Variants in NIPAL1 observed in about 807,000 individuals in gnomAD.
NIPAL1 encodes the protein NIPA like domain containing 1.
NIPAL1 carries 35 observed loss-of-function variants against 37.7 expected under a neutral mutation model. The observed-to-expected ratio is 0.93, with a 90% CI of 0.71 to 1.23. The LOEUF is 1.23. NIPAL1 is among the 50% of genes most tolerant of loss of function. The probability of loss-of-function intolerance (pLI) is 0.00; values close to 1 mark genes in which losing one functional copy is unlikely to be tolerated. For missense variants in NIPAL1, 412 were observed against 473.9 expected (o/e 0.87, Z 1.21); for synonymous variants, 162 against 183.0 (o/e 0.89, Z 0.93).
At chr4:48,032,831 T>G (rs1324135038) in intron 3 of NIPAL1, among the ~76,000 whole-genome samples, 162 bp from the exon 4 acceptor site, 1 of 152,258 alleles carries the variant, frequency 6.6e-6, no homozygotes, top group Non-Finnish European at 1.5e-5. Flanking sequence ...TCTCTTAATA[T>G]TAATTATCTC....
In NIPAL1 at chr4:48,025,064, C is replaced by G; in HGVS notation, c.47-4C>G. 1 of 1,606,780 alleles carries G rather than the reference C, an allele frequency of 6.2e-7. No individual in the cohort carries two copies. The highest frequency in any genetic ancestry group is 8.5e-7 in the Non-Finnish European group (1 of 1,177,360). On this transcript the variant is annotated splice_region_variant and splice_polypyrimidine_tract_variant and intron_variant, in intron 1 of 5. Transcript: ENST00000295461. ...CTGACATTCTCTTCTTTCCTTTTTT[C>G]CAGGATATGTGCTGTCTCTGGTCTG...
chr4:48,029,853 C>T (rs968544056), intron 2 of NIPAL1, among the ~76,000 whole-genome samples: 4 of 151,540 alleles, frequency 2.6e-5, no homozygotes, highest in Admixed American at 2.0e-4. Flanking sequence ...TAGGGAGGTT[C>T]GTGAGAGCAT....
chr4:48,032,169 A>T (rs1350428716), intron 3 of NIPAL1, among the ~76,000 whole-genome samples: 1 of 152,190 alleles, frequency 6.6e-6, no homozygotes, highest in Non-Finnish European at 1.5e-5. Context: ...CAGCCAGACA[A>T]AGGGAAAAAG....
intron 3 of NIPAL1, among the ~76,000 whole-genome samples, chr4:48,031,828 T>C (rs1448587455): frequency 6.6e-6 from 1 of 152,088 alleles, no homozygotes; most frequent in East Asian, 1.9e-4. Context: ...AACCTCCGCC[T>C]CCCAGATTCA....
At chr4:48,022,517 A>G (rs1257904343) in intron 1 of NIPAL1, among the ~76,000 whole-genome samples, 1 of 152,154 alleles carries the variant, frequency 6.6e-6, no homozygotes, top group African/African-American at 2.4e-5. Context: ...TCAACAGCTT[A>G]GAAGGAATAT....
chr4:48,021,711 AG>A (rs999196674), intron 1 of NIPAL1, among the ~76,000 whole-genome samples: 5 of 152,186 alleles, frequency 3.3e-5, no homozygotes, highest in Non-Finnish European at 7.3e-5. Flanking sequence ...AAGTCACCTA[AG>A]AACAAATTCT....
intron 1 of NIPAL1, among the ~76,000 whole-genome samples, chr4:48,017,776 T>C (rs560280919): frequency 3.3e-5 from 5 of 152,172 alleles, no homozygotes; most frequent in Admixed American, 3.3e-4. Flanking sequence ...TTAATTTACC[T>C]GATAATGCAG....
intron 4 of NIPAL1, among the ~76,000 whole-genome samples, chr4:48,034,433 C>T (rs939252136): frequency 1.3e-5 from 2 of 152,020 alleles, no homozygotes; most frequent in East Asian, 1.9e-4. Flanking sequence ...ACCCCTGGTC[C>T]GTTTGATTGT....
chr4:48,029,282 C>T (rs564798919), intron 2 of NIPAL1, among the ~76,000 whole-genome samples: 8 of 152,234 alleles, frequency 5.3e-5, no homozygotes, highest in South Asian at 2.1e-4. Context: ...GCAACATGGA[C>T]GGAACTGGAG....
At chr4:48,035,099 A>G (rs1422075643) in intron 5 of NIPAL1, 58 bp downstream of exon 5, 1 of 1,348,106 alleles carries the variant, frequency 7.4e-7, no homozygotes, top group East Asian at 2.3e-5. Context: ...CTCCTCACCA[A>G]ATAGTATCTG....
chr4:48,021,316 C>T (rs1465395502), intron 1 of NIPAL1, among the ~76,000 whole-genome samples: 1 of 152,138 alleles, frequency 6.6e-6, no homozygotes, highest in Non-Finnish European at 1.5e-5. Context: ...CAAAGTCCCT[C>T]ATTTTACAGA....
intron 1 of NIPAL1, among the ~76,000 whole-genome samples, chr4:48,022,610 A>G (rs1715596571): frequency 6.6e-6 from 1 of 152,266 alleles, no homozygotes; most frequent in Non-Finnish European, 1.5e-5. Context: ...AGTAAATGAC[A>G]TGAATGCAGC....
At chr4:48,017,386 G>T (rs1715450113) in intron 1 of NIPAL1, among the ~76,000 whole-genome samples, 2 of 152,234 alleles carry the variant, frequency 1.3e-5, no homozygotes, top group South Asian at 4.1e-4. Context: ...GCCCGGGGCC[G>T]CGGGGGTGGG....
Position 48,036,418 on chromosome 4 carries a change from T to A in NIPAL1, c.*246T>A. 2.3e-6 allele frequency: 1 copy of A among 437,646 alleles called. No homozygotes were observed. Among genetic ancestry groups the A allele is most frequent in the Non-Finnish European group, 4.0e-6 (1 of 247,578 alleles). 27.1% of individuals were successfully genotyped at this position (437,646 alleles called of 1,614,324 possible). A position where few individuals can be genotyped will look rare whatever the true frequency, so the allele number is the denominator to read the frequency against. ...CAAAGAAGTCAAAGAGCTATGTGTG[T>A]CTCAGAATAATCTCCTTCTTCTGGT... On this transcript the variant is annotated 3_prime_UTR_variant, in exon 6 of 6. Transcript: ENST00000295461.
rs556614010 is a variant in NIPAL1, at chr4:48,039,234, AC to A, written c.*3066del. ...GTTGCGGGTGCCTATAATCCCAACT[AC>A]CCCGGAGGCTGAGGCAGGGAATTGC... On this transcript the variant is annotated 3_prime_UTR_variant, in exon 6 of 6. Transcript: ENST00000295461. 11 of 151,650 alleles carry A rather than the reference AC, an allele frequency of 7.3e-5. No homozygotes were observed. The highest frequency in any genetic ancestry group is 1.5e-4 in the Non-Finnish European group (10 of 67,966). 9.4% of individuals were successfully genotyped at this position (151,650 alleles called of 1,614,324 possible). A position where few individuals can be genotyped will look rare whatever the true frequency, so the allele number is the denominator to read the frequency against.
intron 4 of NIPAL1, among the ~76,000 whole-genome samples, chr4:48,034,662 T>G (rs890455356): frequency 6.6e-6 from 1 of 152,216 alleles, no homozygotes; most frequent in African/African-American, 2.4e-5. Context: ...TTATGGGATA[T>G]AGAATATTAT....
At chr4:48,032,448 A>G (rs2109371387) in intron 3 of NIPAL1, among the ~76,000 whole-genome samples, 1 of 152,364 alleles carries the variant, frequency 6.6e-6, no homozygotes, top group Middle Eastern at 3.4e-3. Flanking sequence ...AGCTGCCTGG[A>G]TCTCGTTAAG....
At chr4:48,025,925 C>G (rs564632095) in intron 2 of NIPAL1, among the ~76,000 whole-genome samples, 1 of 152,024 alleles carries the variant, frequency 6.6e-6, no homozygotes, top group Non-Finnish European at 1.5e-5. Flanking sequence ...TTGCGTGGAA[C>G]CCTTCTCCCT....
Position 48,037,755 on chromosome 4 carries a change from T to C in NIPAL1, c.*1583T>C, listed in dbSNP as rs1715987127. On this transcript the variant is annotated 3_prime_UTR_variant, in exon 6 of 6. Transcript: ENST00000295461. ...CCTTTTTCGCACATTAAAATGTTTA[T>C]AAAATTTTCCCCTCTCATTTCAAAT... The C allele has an allele frequency of 6.6e-6, 1 of 152,256 alleles. No homozygotes were observed. Among genetic ancestry groups the C allele is most frequent in the African/African-American group, 2.4e-5 (1 of 41,464 alleles). The allele number at this position is 152,256 out of a possible 1,614,324, so 9.4% of individuals were successfully genotyped here. A position where few individuals can be genotyped will look rare whatever the true frequency, so the allele number is the denominator to read the frequency against.
Sources: allele counts gnomAD v4.1 joint callset (sites outside exome capture counted in the v4.1 genomes callset), GRCh38; gene constraint gnomAD v4.1.1; transcripts MANE v1.5; gene names NCBI Gene and HGNC (gene_info 2026-07-23, HGNC 2026-07-21).